The following UGT1A4 variants were observed in gnomAD, a reference collection of about 807,000 sequenced individuals.
UGT1A4 encodes the protein UDP-glucuronosyltransferase 1A4.
In UGT1A4, 32 loss-of-function variants were observed where a neutral mutation model predicts 41.1. That is an observed-to-expected ratio of 0.78 (90% CI 0.59 to 1.05). The LOEUF (loss-of-function observed/expected upper bound fraction) is 1.05. UGT1A4 is among the 50% of genes least tolerant of loss of function. The pLI is 0.00. For missense variants in UGT1A4, 748 were observed against 677.4 expected (o/e 1.10, Z -1.16); for synonymous variants, 283 against 265.1 (o/e 1.07, Z -0.66).
At chr2:233,731,691 A>C (rs2078192631) in intron 1 of UGT1A4, among the ~76,000 whole-genome samples, 1 of 152,178 alleles carries the variant, frequency 6.6e-6, no homozygotes, top group Non-Finnish European at 1.5e-5. Flanking sequence ...TCATTGATGG[A>C]CATTTGGATT....
At chr2:233,758,381 C>CTTATGTGT (rs1159437642) in intron 1 of UGT1A4, among the ~76,000 whole-genome samples, 1 of 152,202 alleles carries the variant, frequency 6.6e-6, no homozygotes, top group East Asian at 1.9e-4. Context: ...ACAGTGGTGA[C>CTTATGTGT]TTATGTGTTT....
At chr2:233,749,892 C>T (rs1443411185) in intron 1 of UGT1A4, among the ~76,000 whole-genome samples, 2 of 151,938 alleles carry the variant, frequency 1.3e-5, no homozygotes, top group African/African-American at 2.4e-5. Flanking sequence ...TGAGGCTCCC[C>T]CCTCCAGCCA....
intron 1 of UGT1A4, chr2:233,730,140 A>G (rs1239984500): frequency 2.3e-5 from 35 of 1,523,880 alleles, no homozygotes; most frequent in Non-Finnish European, 2.7e-5. Flanking sequence ...TCAGTGAGAT[A>G]AACTGTTAAG....
chr2:233,753,934 C>A (rs115652249), intron 1 of UGT1A4, among the ~76,000 whole-genome samples: 1,716 of 152,270 alleles, frequency 0.011, 38 homozygotes, highest in African/African-American at 0.04. Context: ...ATATGGGATT[C>A]AAATGTATGA....
At position 233,719,049 on chromosome 2, in the gene UGT1A4, C is replaced by G. The variant is rs544702876; in HGVS notation, c.229C>G (p.Leu77Val). 2.5e-6 allele frequency: 4 copies of G among 1,614,286 alleles called. No individual in the cohort carries two copies. The East Asian group carries it at 6.7e-5, about 27-fold the overall frequency. ...CATCAAAGAAGAGAAATTTTTCACCCTGACAGCCTATGCTGTTCCATGGAC... is the reference window on the plus strand; with the variant it reads ...CATCAAAGAAGAGAAATTTTTCACCGTGACAGCCTATGCTGTTCCATGGAC... The part of the protein sequence containing the change: ...MHIKEEKFFT[L>V]TAYAVPWTQK... The change falls in exon 1 of 5, where the codon CTG (leucine) becomes GTG (valine). Residue 77 changes from leucine to valine, a missense_variant. Transcript: ENST00000373409.
chr2:233,738,524 A>G (rs553988769), intron 1 of UGT1A4, among the ~76,000 whole-genome samples: 1 of 152,322 alleles, frequency 6.6e-6, no homozygotes, highest in South Asian at 2.1e-4. Context: ...TGTTGTGGAC[A>G]ATGAAGTCCA....
At chr2:233,760,864 G>C in intron 1 of UGT1A4, 1 of 1,613,978 alleles carries the variant, frequency 6.2e-7, no homozygotes, top group Non-Finnish European at 8.5e-7. Flanking sequence ...ATTCTCCTAC[G>C]TGCCCAGGCC....
intron 1 of UGT1A4, chr2:233,721,662 A>AG (rs2076961338): frequency 4.1e-6 from 1 of 245,624 alleles, no homozygotes; most frequent in Non-Finnish European, 8.2e-6. Context: ...GGGTCATGTA[A>AG]GGGTTAATCC....
chr2:233,766,395 C>T (rs1305688036), intron 1 of UGT1A4, among the ~76,000 whole-genome samples: 1 of 152,176 alleles, frequency 6.6e-6, no homozygotes, highest in African/African-American at 2.4e-5. Flanking sequence ...GCTGTCCTTG[C>T]GTCCCTCCGC....
At chr2:233,731,491 G>A (rs1443900018) in intron 1 of UGT1A4, among the ~76,000 whole-genome samples, 2 of 152,026 alleles carry the variant, frequency 1.3e-5, no homozygotes, top group Non-Finnish European at 2.9e-5. Flanking sequence ...TGTGTCCAGT[G>A]TTCTTGCTGT....
At chr2:233,747,199 G>C in intron 1 of UGT1A4, 1 of 1,604,214 alleles carries the variant, frequency 6.2e-7, no homozygotes, top group African/African-American at 1.3e-5. Context: ...TCAGCTGTCC[G>C]TGTCTTCTGC....
intron 1 of UGT1A4, among the ~76,000 whole-genome samples, chr2:233,757,709 C>T (rs1363556307): frequency 2.0e-5 from 3 of 151,302 alleles, no homozygotes; most frequent in Admixed American, 6.6e-5. Context: ...CTTTGCTTCC[C>T]GGGAGGGTCC....
At chr2:233,755,246 C>T (rs1229068281) in intron 1 of UGT1A4, 3 of 850,962 alleles carry the variant, frequency 3.5e-6, no homozygotes, top group Non-Finnish European at 5.3e-6. Flanking sequence ...GGGGTACTCC[C>T]AGCACCTCGT....
intron 1 of UGT1A4, chr2:233,729,294 C>G: frequency 6.2e-7 from 1 of 1,614,226 alleles, no homozygotes; most frequent in Non-Finnish European, 8.5e-7. Flanking sequence ...CCAGAGGCCA[C>G]CAGGCAGTGG....
chr2:233,755,067 T>C (rs1054820279), intron 1 of UGT1A4: 7 of 1,335,636 alleles, frequency 5.2e-6, no homozygotes, highest in Non-Finnish European at 7.0e-6. Flanking sequence ...CGCCTCGCCA[T>C]AGCGGTCATA....
intron 1 of UGT1A4, among the ~76,000 whole-genome samples, chr2:233,761,417 G>A (rs1445848635): frequency 6.6e-6 from 1 of 152,202 alleles, no homozygotes; most frequent in Non-Finnish European, 1.5e-5. Context: ...GAAACAACAA[G>A]CTGTTAAATG....
chr2:233,761,113 G>T (rs72551345), intron 1 of UGT1A4: 1 of 1,614,106 alleles, frequency 6.2e-7, no homozygotes, highest in South Asian at 1.1e-5. Flanking sequence ...GGTTTTTGTT[G>T]GTGGAATCAA....
intron 1 of UGT1A4, among the ~76,000 whole-genome samples, chr2:233,746,102 A>G (rs1005721725): frequency 1.5e-4 from 23 of 151,842 alleles, no homozygotes; most frequent in African/African-American, 5.4e-4. Flanking sequence ...ACATGTCCAG[A>G]GTGCTTACTG....
chr2:233,727,191 G>T (rs764445830), intron 1 of UGT1A4, among the ~76,000 whole-genome samples: 1 of 152,118 alleles, frequency 6.6e-6, no homozygotes, highest in African/African-American at 2.4e-5. Flanking sequence ...CTTTGCTGGG[G>T]TGACCTCACT....
Sources: allele counts gnomAD v4.1 joint callset (sites outside exome capture counted in the v4.1 genomes callset), GRCh38; gene constraint gnomAD v4.1.1; transcripts MANE v1.5; gene names NCBI Gene and HGNC (gene_info 2026-07-23, HGNC 2026-07-21).